PTPRS: variants seen among roughly 807,000 people sequenced by gnomAD.
PTPRS encodes receptor-type tyrosine-protein phosphatase S.
PTPRS carries 63 observed loss-of-function variants against 215.3 expected under a neutral mutation model. The ratio of observed to expected loss-of-function variants is 0.29; its 90% confidence interval spans 0.24 to 0.36. The LOEUF (loss-of-function observed/expected upper bound fraction) is 0.36. Ranked by LOEUF, PTPRS falls within the 10% of genes least tolerant of loss-of-function variation. PTPRS has a pLI of 1.00. For missense variants in PTPRS, 2,258 were observed against 2,825.8 expected (o/e 0.80, Z 4.56); for synonymous variants, 1,404 against 1,191.4 (o/e 1.18, Z -3.68).
intron 1 of PTPRS, among the ~76,000 whole-genome samples, chr19:5,296,152 C>CTCA (rs771046047): frequency 6.6e-6 from 1 of 152,170 alleles, no homozygotes; most frequent in Admixed American, 6.6e-5. Flanking sequence ...GATCCCTGCC[C>CTCA]TCAGGGTGTG....
rs767784586 is a variant in PTPRS, at chr19:5,223,260, G to A, written c.2532C>T (p.Pro844=). 54 of 1,477,972 alleles carry A rather than the reference G, an allele frequency of 3.7e-5. No homozygotes were observed. The highest frequency in any genetic ancestry group is 3.5e-4 in the Admixed American group (15 of 43,104). 91.6% of individuals were successfully genotyped at this position (1,477,972 alleles called of 1,614,324 possible). A position where few individuals can be genotyped will look rare whatever the true frequency, so the allele number is the denominator to read the frequency against. Residue 844 remains proline, a synonymous_variant, in exon 18 of 38, where the codon CCC becomes CCT. Coordinates refer to ENST00000262963, the MANE Select transcript of PTPRS (RefSeq NM_002850.4). ...GRPTLSVQQT[P]EGSLLARWEP... is the part of the protein sequence containing the mutation. ...CCCAGCGTGCCAGCAGGCTGCCCTCGGGGGTCTGCTGCACCGACAGGGTTG... is the reference window on the plus strand; with the variant it reads ...CCCAGCGTGCCAGCAGGCTGCCCTCAGGGGTCTGCTGCACCGACAGGGTTG...
intron 13 of PTPRS, among the ~76,000 whole-genome samples, chr19:5,234,681 C>T (rs750927068): frequency 1.4e-4 from 21 of 151,476 alleles, no homozygotes; most frequent in Admixed American, 3.9e-4. Context: ...ACCCCTACTG[C>T]GTGCCAGGCA....
At chr19:5,337,317 G>A (rs2050537273) in intron 1 of PTPRS, among the ~76,000 whole-genome samples, 1 of 152,150 alleles carries the variant, frequency 6.6e-6, no homozygotes, top group Non-Finnish European at 1.5e-5. Context: ...CGCACACGGC[G>A]GCTGCACCGT....
chr19:5,332,510 G>A lies in PTPRS; in HGVS notation c.-95+8154C>T, dbSNP rs546030863. Among the ~76,000 whole-genome samples, 70 of 152,334 alleles carry A rather than the reference G, an allele frequency of 4.6e-4. 1 individual carries two copies. Among genetic ancestry groups the A allele is most frequent in the African/African-American group, 1.6e-3 (65 of 41,588 alleles). On this transcript the variant is annotated intron_variant, in intron 1 of 37. Transcript: ENST00000262963. ...AGATCTGGCCCTGGAGCCATTCAGG[G>A]CTTCCTTGGAGGTTGAAGAAGCCTT... is the stretch of plus-strand genomic sequence containing the variant.
chr19:5,295,108 A>G lies in PTPRS; in HGVS notation c.-94-8874T>C, dbSNP rs2049095291. Among the ~76,000 whole-genome samples, 1 of 152,174 alleles carries G rather than the reference A, an allele frequency of 6.6e-6. No homozygotes were observed. The highest frequency in any genetic ancestry group is 1.5e-5 in the Non-Finnish European group (1 of 68,030). On this transcript the variant is annotated intron_variant, in intron 1 of 37. Coordinates refer to ENST00000262963, the MANE Select transcript of PTPRS (RefSeq NM_002850.4). This position sits in a 1 kb window ranked among gnomAD's most constrained non-coding sequence, Gnocchi z 4.6. ...GTATCTGTGGCAAGGCACGGGGCTC[A>G]TACAGACTCGAGTTTGAATCCAGGG...
chr19:5,317,198 G>A lies in PTPRS; in HGVS notation c.-95+23466C>T, dbSNP rs967389116. On this transcript the variant is annotated intron_variant, in intron 1 of 37. Coordinates refer to ENST00000262963, the MANE Select transcript of PTPRS (RefSeq NM_002850.4). ...AATAAATAGCTGAGCCTGGCCAGGCGCAGTGGCTCATGCCTATAATCTCGG... is the reference window on the plus strand; with the variant it reads ...AATAAATAGCTGAGCCTGGCCAGGCACAGTGGCTCATGCCTATAATCTCGG... 2.6e-5 allele frequency among the ~76,000 whole-genome samples: 4 copies of A among 152,202 alleles called. No homozygotes were observed. The East Asian group carries it at 5.8e-4, about 22-fold the overall frequency.
At chr19:5,254,151 G>A (rs1011424907) in intron 9 of PTPRS, among the ~76,000 whole-genome samples, 9 of 152,178 alleles carry the variant, frequency 5.9e-5, no homozygotes, top group African/African-American at 1.7e-4. Flanking sequence ...TTGGTGGAGG[G>A]GCTGGGAGAC....
At position 5,237,452 on chromosome 19, in the gene PTPRS, G is replaced by A. The variant is rs551396124; in HGVS notation, c.1849+1467C>T. ...GGCCGAAGCCGCTTTCTAGGTGACC[G>A]TGTAGGTCACGTCCTTCACAATCCG... On this transcript the variant is annotated intron_variant, in intron 13 of 37. Coordinates refer to ENST00000262963, the MANE Select transcript of PTPRS (RefSeq NM_002850.4). The surrounding 1 kb of genome is among the most constrained non-coding windows in gnomAD (Gnocchi z 4.2). Among the ~76,000 whole-genome samples, 7 of 152,354 alleles carry A rather than the reference G, an allele frequency of 4.6e-5. No homozygotes were observed. The highest frequency in any genetic ancestry group is 2.0e-4 in the Admixed American group (3 of 15,304).
chr19:5,267,760 G>A (rs1021783142), intron 4 of PTPRS, among the ~76,000 whole-genome samples: 2 of 137,626 alleles, frequency 1.5e-5, no homozygotes, highest in African/African-American at 2.7e-5. Flanking sequence ...ACAAAAAAGT[G>A]ACAAATCGCA....
rs758563821 is a variant in PTPRS at position 5,240,258 on chromosome 19, G to T, written c.1645C>A (p.Arg549=). The change falls in exon 12 of 38, where the codon CGG becomes AGG. Residue 549 remains arginine, a synonymous_variant. Coordinates refer to ENST00000262963, the MANE Select transcript of PTPRS (RefSeq NM_002850.4). ...TCGTACTTGATGATACTCTCCTGCCGCGGGGGGCTCCAGGACAGCGTGATG... is the reference window on the plus strand; with the variant it reads ...TCGTACTTGATGATACTCTCCTGCCTCGGGGGGCTCCAGGACAGCGTGATG... ...TSITLSWSPP[R]QESIIKYELL... 4 of 1,588,586 alleles carry T rather than the reference G, an allele frequency of 2.5e-6. No homozygotes were observed. The highest frequency in any genetic ancestry group is 2.7e-5 in the African/African-American group (2 of 74,622).
chr19:5,224,378 T>C (rs921578968), intron 17 of PTPRS, among the ~76,000 whole-genome samples: 32 of 152,188 alleles, frequency 2.1e-4, no homozygotes, highest in Admixed American at 6.5e-4. Flanking sequence ...CCCTCCTCCT[T>C]CCATTAATAA....
At chr19:5,270,642 CT>C (rs542611885) in intron 4 of PTPRS, among the ~76,000 whole-genome samples, 1 of 151,752 alleles carries the variant, frequency 6.6e-6, no homozygotes, top group Non-Finnish European at 1.5e-5. Flanking sequence ...CGGGGCCTTT[CT>C]TTTTTTTCTT....
chr19:5,260,995 GGA>G (rs1568503297), intron 6 of PTPRS, among the ~76,000 whole-genome samples, 173 bp from the exon 7 acceptor site: 2 of 152,122 alleles, frequency 1.3e-5, no homozygotes, highest in Non-Finnish European at 2.9e-5. Flanking sequence ...GAGGAAGCTA[GGA>G]GAGGCCTCCT....
chr19:5,318,688 T>C (rs1055726067), intron 1 of PTPRS, among the ~76,000 whole-genome samples: 1 of 152,212 alleles, frequency 6.6e-6, no homozygotes, highest in Non-Finnish European at 1.5e-5. Context: ...GGTCTCGCTC[T>C]GTCACCCAGA....
rs114080870 is a variant in PTPRS, at chr19:5,273,483, A to G, written c.338T>C (p.Val113Ala). Reference sequence around the variant, plus strand: ...CTTGGCATGGACTGTGATCTCCCCAACCGAGTTCTGGGCCACACACTCGTA... The same window carrying G: ...CTTGGCATGGACTGTGATCTCCCCAGCCGAGTTCTGGGCCACACACTCGTA... ...NVYECVAQNS[V>A]GEITVHAKLT... The change falls in exon 4 of 38, where the codon GTT becomes GCT. Residue 113 changes from valine (V) to alanine (A), a missense_variant. Coordinates refer to ENST00000262963, the MANE Select transcript of PTPRS (RefSeq NM_002850.4). 1,339 of 1,614,120 alleles carry G rather than the reference A, an allele frequency of 8.3e-4. 8 individuals carry two copies. The East Asian group carries it at 0.021, about 25-fold the overall frequency.
intron 4 of PTPRS, among the ~76,000 whole-genome samples, chr19:5,268,087 G>A (rs561298966): frequency 3.8e-4 from 58 of 152,040 alleles, no homozygotes; most frequent in African/African-American, 1.3e-3. Flanking sequence ...GGAGAATGGC[G>A]TGAAGCCGGG....
chr19:5,275,853 G>A (rs1449794512), intron 2 of PTPRS, among the ~76,000 whole-genome samples: 1 of 151,814 alleles, frequency 6.6e-6, no homozygotes, highest in Non-Finnish European at 1.5e-5. Flanking sequence ...TCACTATGTT[G>A]CCCAGGCTGG....
chr19:5,211,815 T>C (rs976214633), intron 32 of PTPRS, 47 bp from the exon 33 acceptor site: 1 of 1,599,350 alleles, frequency 6.3e-7, no homozygotes. Flanking sequence ...TGAGGAAGGC[T>C]ATGCTTTCAG....
At chr19:5,291,015 G>A (rs117566643) in intron 1 of PTPRS, among the ~76,000 whole-genome samples, 1 of 152,104 alleles carries the variant, frequency 6.6e-6, no homozygotes, top group Non-Finnish European at 1.5e-5. Flanking sequence ...CCCTCCCAGG[G>A]CGCCATTATC....
Sources: allele counts gnomAD v4.1 joint callset (sites outside exome capture counted in the v4.1 genomes callset), GRCh38; gene constraint gnomAD v4.1.1; non-coding constraint Gnocchi (gnomAD v3.1); transcripts MANE v1.5; gene names NCBI Gene and HGNC (gene_info 2026-07-23, HGNC 2026-07-21).